NYAP2: variants seen among roughly 807,000 people sequenced by gnomAD.
The protein encoded by NYAP2 is neuronal tyrosine-phosphorylated phosphoinositide-3-kinase adaptor 2, also known as neuronal tyrosine-phosphorylated phosphoinositide-3-kinase adapter 2.
A neutral mutation model predicts 50.4 loss-of-function variants in NYAP2; 23 were observed. The ratio of observed to expected loss-of-function variants is 0.46; its 90% CI spans 0.33 to 0.65. The LOEUF is 0.65. NYAP2 is among the 30% of genes least tolerant of loss of function. NYAP2 has a pLI of 0.02. For missense variants in NYAP2, 885 were observed against 861.0 expected, an observed-to-expected ratio of 1.03 and a Z score of -0.35; for synonymous variants, 394 against 365.2, an observed-to-expected ratio of 1.08 and a Z score of -0.90.
intron 4 of NYAP2, among the ~76,000 whole-genome samples, chr2:225,543,872 T>G (rs1490411243): frequency 6.6e-6 from 1 of 152,058 alleles, no homozygotes; most frequent in Non-Finnish European, 1.5e-5. Flanking sequence ...TCTCCAGCTA[T>G]TATTGTATTA....
At chr2:225,679,794 G>A in the NYAP2 span, among the ~76,000 whole-genome samples, 1 of 151,816 alleles carries the variant, frequency 6.6e-6, no homozygotes, top group South Asian at 2.1e-4. Flanking sequence ...TGCCCGGCCT[G>A]ATTTAATTTT....
At chr2:225,518,258 C>T (rs1329890380) in intron 4 of NYAP2, among the ~76,000 whole-genome samples, 2 of 151,446 alleles carry the variant, frequency 1.3e-5, no homozygotes, top group Non-Finnish European at 2.9e-5. Flanking sequence ...TAGCTAAGCA[C>T]AGAAAGACAG....
rs374725178 is a variant in NYAP2, at chr2:225,630,130, GTGTT to G, written c.1828+3007_1828+3010del. On this transcript the variant is annotated intron_variant, in intron 6 of 6. Transcript: ENST00000636099. ...CTAAAAGTCTATGGGATGGAACAAAGTGTTTGGTATAAAGGATGAGGGAAGATTG... is the reference window on the plus strand; with the variant it reads ...CTAAAAGTCTATGGGATGGAACAAAGTGGTATAAAGGATGAGGGAAGATTG... Among the ~76,000 whole-genome samples the G allele has an allele frequency of 4.1e-3, 630 of 152,312 alleles. 4 individuals are homozygous for G. Among genetic ancestry groups the G allele is most frequent in the African/African-American group, 0.014 (578 of 41,570 alleles).
At chr2:225,588,106 A>G (rs764103748) in intron 5 of NYAP2, among the ~76,000 whole-genome samples, 1 of 152,066 alleles carries the variant, frequency 6.6e-6, no homozygotes, top group Non-Finnish European at 1.5e-5. Context: ...TCATATTTTT[A>G]GTAGAGATGG....
At chr2:225,588,906 T>C (rs1182930326) in intron 5 of NYAP2, among the ~76,000 whole-genome samples, 1 of 152,248 alleles carries the variant, frequency 6.6e-6, no homozygotes, top group Non-Finnish European at 1.5e-5. Context: ...AGGGTCTATT[T>C]GAGATTGTAG....
At chr2:225,511,365 C>T (rs1314066406) in intron 3 of NYAP2, among the ~76,000 whole-genome samples, 1 of 141,434 alleles carries the variant, frequency 7.1e-6, no homozygotes, top group Admixed American at 7.0e-5. Flanking sequence ...CACACACACA[C>T]ACACACACAG....
At chr2:225,463,899 T>TCCAGGAGTTC (rs148946225) in intron 3 of NYAP2, among the ~76,000 whole-genome samples, 21,545 of 152,192 alleles carry the variant, frequency 0.14, 2,338 homozygotes, top group African/African-American at 0.31. Flanking sequence ...TCATCCTGGT[T>TCCAGGAGTTC]ACCCTCTGGA....
In NYAP2 at chr2:225,412,634, A is replaced by T. The variant is rs1401707648; in HGVS notation, c.221+3533A>T. ...AAAATTTGTGAAAAACCATCAGAGC[A>T]GCTGAGAATAGTAGAAAAAGAAACA... On this transcript the variant is annotated intron_variant, in intron 3 of 6. Transcript: ENST00000636099. Among the ~76,000 whole-genome samples the T allele has an allele frequency of 4.6e-5, 7 of 152,268 alleles. 1 individual carries two copies. In the East Asian group the frequency reaches 1.4e-3, roughly 29 times the overall value.
At chr2:225,607,667 A>G (rs927959141) in intron 5 of NYAP2, among the ~76,000 whole-genome samples, 2 of 146,330 alleles carry the variant, frequency 1.4e-5, no homozygotes, top group Admixed American at 7.0e-5. Context: ...GTAGAATTCT[A>G]TTTTTCCCTC....
the NYAP2 span, chr2:225,702,868 G>A: frequency 1.3e-5 from 2 of 151,502 alleles, no homozygotes; most frequent in East Asian, 3.9e-4. Context: ...AAATTCTTTT[G>A]AAGTGTTCAA....
At chr2:225,605,021 C>T (rs1046092288) in intron 5 of NYAP2, among the ~76,000 whole-genome samples, 1 of 152,104 alleles carries the variant, frequency 6.6e-6, no homozygotes, top group African/African-American at 2.4e-5. Flanking sequence ...TAAATATTCT[C>T]ATTAGCCTTT....
chr2:225,682,630 G>T, the NYAP2 span, among the ~76,000 whole-genome samples: 4 of 152,186 alleles, frequency 2.6e-5, no homozygotes, highest in Non-Finnish European at 5.9e-5. Context: ...TTGTGAAGTT[G>T]TGTTGTCATT....
chr2:225,468,562 A>C (rs939886541), intron 3 of NYAP2, among the ~76,000 whole-genome samples: 2 of 152,236 alleles, frequency 1.3e-5, no homozygotes, highest in Non-Finnish European at 2.9e-5. Context: ...TATTCTAGGA[A>C]GAATTGGCAT....
chr2:225,694,345 A>G, the NYAP2 span, among the ~76,000 whole-genome samples: 59 of 152,038 alleles, frequency 3.9e-4, no homozygotes, highest in South Asian at 2.7e-3. Context: ...GTGATAAAAG[A>G]AAAGAAAATA....
At chr2:225,484,832 G>A (rs1302550963) in intron 3 of NYAP2, among the ~76,000 whole-genome samples, 1 of 152,232 alleles carries the variant, frequency 6.6e-6, no homozygotes, top group Non-Finnish European at 1.5e-5. Flanking sequence ...CTTTGCATCA[G>A]TGTCATCTGA....
intron 4 of NYAP2, among the ~76,000 whole-genome samples, chr2:225,566,510 CT>C (rs1220945583): frequency 6.6e-6 from 1 of 152,196 alleles, no homozygotes; most frequent in Non-Finnish European, 1.5e-5. Flanking sequence ...ACTTACTTTT[CT>C]TTAAGATAAT....
At chr2:225,457,969 T>A (rs1018693389) in intron 3 of NYAP2, among the ~76,000 whole-genome samples, 3 of 152,158 alleles carry the variant, frequency 2.0e-5, no homozygotes, top group African/African-American at 7.2e-5. Context: ...AAGATGTTTT[T>A]CTGGCAACTA....
chr2:225,569,267 T>C (rs1308502643), intron 4 of NYAP2, among the ~76,000 whole-genome samples: 1 of 152,200 alleles, frequency 6.6e-6, no homozygotes, highest in Admixed American at 6.5e-5. Context: ...GTTGACAGAC[T>C]TCAGTCTTTC....
At chr2:225,474,813 G>A (rs897080329) in intron 3 of NYAP2, among the ~76,000 whole-genome samples, 1 of 152,178 alleles carries the variant, frequency 6.6e-6, no homozygotes, top group Admixed American at 6.6e-5. Context: ...TCTTTCTCCT[G>A]CCTGATGGCC....
Sources: allele counts gnomAD v4.1 joint callset (sites outside exome capture counted in the v4.1 genomes callset), GRCh38; gene constraint gnomAD v4.1.1; transcripts MANE v1.5; gene names NCBI Gene and HGNC (gene_info 2026-07-23, HGNC 2026-07-21).